Variants in SLC1A2 observed in about 807,000 individuals in gnomAD.
SLC1A2 encodes solute carrier family 1 member 2.
In SLC1A2, 15 loss-of-function variants were observed where a neutral mutation model predicts 48.8. The ratio of observed to expected loss-of-function variants is 0.31; its 90% CI spans 0.21 to 0.47. The LOEUF is 0.47. Ranked by LOEUF, SLC1A2 falls within the 20% of genes least tolerant of loss-of-function variation. The pLI is 0.99. For synonymous variants in SLC1A2, 279 were observed against 272.6 expected (o/e 1.02, Z -0.23); for missense variants, 502 against 730.5 (o/e 0.69, Z 3.61).
intron 5 of SLC1A2, among the ~76,000 whole-genome samples, chr11:35,304,094 T>C (rs2134816152): frequency 6.6e-6 from 1 of 152,256 alleles, no homozygotes; most frequent in Admixed American, 6.5e-5. Flanking sequence ...CATTGCCTAA[T>C]TGAAATTGCT....
chr11:35,417,987 T>C lies in SLC1A2; in HGVS notation c.17+963A>G, dbSNP rs115013016. Among the ~76,000 whole-genome samples the C allele has an allele frequency of 2.7e-3, 417 of 152,316 alleles. 1 individual carries two copies. Among genetic ancestry groups the C allele is most frequent in the African/African-American group, 9.7e-3 (402 of 41,564 alleles). On this transcript the variant is annotated intron_variant, in intron 1 of 10. Coordinates refer to ENST00000278379, the MANE Select transcript of SLC1A2 (RefSeq NM_004171.4). ...TGCTTTTCACATAACATGGATTTTGTGATCGCTTGCAAGTGAGTAACTGCA... is the reference window on the plus strand; with the variant it reads ...TGCTTTTCACATAACATGGATTTTGCGATCGCTTGCAAGTGAGTAACTGCA...
At chr11:35,261,032 G>T in intron 10 of SLC1A2, 67 bp from the exon 11 acceptor site, 1 of 1,129,826 alleles carries the variant, frequency 8.9e-7, no homozygotes, top group Non-Finnish European at 1.4e-6. Context: ...TGTGGGTTAT[G>T]TGGAGAAGCA....
At chr11:35,388,749 G>A (rs1180872432) in intron 1 of SLC1A2, among the ~76,000 whole-genome samples, 3 of 152,168 alleles carry the variant, frequency 2.0e-5, no homozygotes, top group African/African-American at 7.2e-5. Context: ...AGCATGTAGA[G>A]CCTATGCCTC....
chr11:35,276,568 G>A (rs1423567367), intron 9 of SLC1A2, among the ~76,000 whole-genome samples: 1 of 152,194 alleles, frequency 6.6e-6, no homozygotes, highest in Non-Finnish European at 1.5e-5. Context: ...GGGGTGATCT[G>A]GGAGGGCCCA....
At chr11:35,278,272 T>C (rs1565208867) in intron 9 of SLC1A2, among the ~76,000 whole-genome samples, 1 of 93,436 alleles carries the variant, frequency 1.1e-5, no homozygotes, top group Non-Finnish European at 2.3e-5. Flanking sequence ...TGTTTTTTTT[T>C]GTTTTTTTTT....
At chr11:35,295,196 T>C (rs1435126607) in intron 6 of SLC1A2, among the ~76,000 whole-genome samples, 5 of 152,024 alleles carry the variant, frequency 3.3e-5, no homozygotes, top group Admixed American at 3.3e-4. Context: ...TACAGGTGTT[T>C]GCCACCATTC....
chr11:35,380,993 C>G (rs981982429), intron 1 of SLC1A2, among the ~76,000 whole-genome samples: 3 of 152,158 alleles, frequency 2.0e-5, no homozygotes, highest in African/African-American at 7.2e-5. Context: ...GAAAAGAAAA[C>G]TCCTTGACAA....
At chr11:35,322,711 C>T (rs1852112407) in intron 1 of SLC1A2, 1 of 1,190,828 alleles carries the variant, frequency 8.4e-7, no homozygotes, top group Non-Finnish European at 1.2e-6. Context: ...GTGCTCACTG[C>T]AGGTCCTCTC....
At chr11:35,318,039 G>A (rs1197424272) in intron 1 of SLC1A2, among the ~76,000 whole-genome samples, 1 of 152,012 alleles carries the variant, frequency 6.6e-6, no homozygotes, top group African/African-American at 2.4e-5. Flanking sequence ...TTCTTTTTTG[G>A]AAAAGATAGT....
intron 1 of SLC1A2, among the ~76,000 whole-genome samples, chr11:35,361,534 T>G (rs368461859): frequency 1.6e-4 from 25 of 152,176 alleles, no homozygotes; most frequent in African/African-American, 5.8e-4. Flanking sequence ...CGCTCCTCCT[T>G]TCTGCTTCCC....
At chr11:35,269,776 C>T (rs1282821644) in intron 9 of SLC1A2, among the ~76,000 whole-genome samples, 2 of 152,126 alleles carry the variant, frequency 1.3e-5, no homozygotes, top group African/African-American at 4.8e-5. Context: ...ATGAAATAGC[C>T]ATTAAGACAG....
At chr11:35,272,156 A>G (rs1000800561) in intron 9 of SLC1A2, among the ~76,000 whole-genome samples, 10 of 152,190 alleles carry the variant, frequency 6.6e-5, no homozygotes, top group African/African-American at 2.4e-4. Context: ...GATACAGAGA[A>G]GAGGGAATAA....
chr11:35,390,337 T>C (rs949881838), intron 1 of SLC1A2, among the ~76,000 whole-genome samples: 1 of 152,224 alleles, frequency 6.6e-6, no homozygotes, highest in African/African-American at 2.4e-5. Flanking sequence ...AAACGACCCA[T>C]GTCCTTCCTA....
chr11:35,283,380 T>C (rs1017686748), intron 8 of SLC1A2, among the ~76,000 whole-genome samples: 13 of 152,238 alleles, frequency 8.5e-5, no homozygotes, highest in African/African-American at 1.4e-4. Context: ...ATGAAGTATA[T>C]ACACCCGTGG....
intron 1 of SLC1A2, among the ~76,000 whole-genome samples, chr11:35,386,218 T>C (rs1000672972): frequency 6.6e-6 from 1 of 152,156 alleles, no homozygotes; most frequent in African/African-American, 2.4e-5. Context: ...ACAGTTTTCT[T>C]TTCTCTGAAC....
intron 1 of SLC1A2, among the ~76,000 whole-genome samples, chr11:35,401,463 C>T (rs1363667412): frequency 6.6e-6 from 1 of 152,124 alleles, no homozygotes; most frequent in African/African-American, 2.4e-5. Context: ...AATGTTAATG[C>T]TAGTCAGCTG....
At chr11:35,408,975 C>G (rs1228513631) in intron 1 of SLC1A2, among the ~76,000 whole-genome samples, 1 of 152,184 alleles carries the variant, frequency 6.6e-6, no homozygotes, top group Non-Finnish European at 1.5e-5. Context: ...CCTTCTGTTG[C>G]TCTACAATTG....
intron 1 of SLC1A2, among the ~76,000 whole-genome samples, chr11:35,389,795 T>C (rs967045473): frequency 2.0e-5 from 3 of 152,046 alleles, no homozygotes; most frequent in Non-Finnish European, 2.9e-5. Context: ...AATTTTCTTG[T>C]AGACACCAGG....
At position 35,286,818 on chromosome 11, in the gene SLC1A2, C is replaced by A. The variant is rs1022532582; in HGVS notation, c.1225G>T (p.Ala409Ser). The A allele has an allele frequency of 1.9e-6, 3 of 1,613,776 alleles. No individual in the cohort carries two copies. Among genetic ancestry groups the A allele is most frequent in the Non-Finnish European group, 2.5e-6 (3 of 1,179,802 alleles). Residue 409 changes from alanine to serine, a missense_variant, in exon 8 of 11, where the codon GCC becomes TCC. Ala to Ser is a moderately conservative substitution (Grantham distance 99). Coordinates refer to ENST00000278379, the MANE Select transcript of SLC1A2 (RefSeq NM_004171.4). ...DGTALYEAVA[A>S]IFIAQMNGVV... ...CCATTCATTTGGGCTATAAAGATGG[C>A]GGCTACCGCTTCATAAAGGGCTGTA...
Sources: allele counts gnomAD v4.1 joint callset (sites outside exome capture counted in the v4.1 genomes callset), GRCh38; gene constraint gnomAD v4.1.1; transcripts MANE v1.5; gene names NCBI Gene and HGNC (gene_info 2026-07-23, HGNC 2026-07-21).